CDH13: variants seen among roughly 807,000 people sequenced by gnomAD.
CDH13 encodes cadherin-13.
Under a neutral mutation model 63.8 loss-of-function variants are expected in CDH13, and 24 were observed. The ratio of observed to expected loss-of-function variants is 0.38; its 90% CI spans 0.27 to 0.53. The LOEUF (loss-of-function observed/expected upper bound fraction) is 0.53. Ranked by LOEUF, CDH13 falls within the 20% of genes least tolerant of loss-of-function variation. The pLI, the probability that CDH13 is intolerant of heterozygous loss-of-function variation, is 0.85. For missense variants in CDH13, 1,049 were observed against 903.1 expected (o/e 1.16, Z -2.07); for synonymous variants, 503 against 355.3 (o/e 1.42, Z -4.67).
chr16:82,708,300 G>T (rs938794654), intron 1 of CDH13, among the ~76,000 whole-genome samples: 1 of 152,156 alleles, frequency 6.6e-6, no homozygotes, highest in Admixed American at 6.5e-5. Flanking sequence ...AGAGAAGGAG[G>T]AGAGAATGGG....
At chr16:83,403,756 G>A (rs1232599279) in intron 6 of CDH13, among the ~76,000 whole-genome samples, 1 of 152,106 alleles carries the variant, frequency 6.6e-6, no homozygotes, top group Non-Finnish European at 1.5e-5. Flanking sequence ...TTGTGATGGA[G>A]AACATCATAA....
chr16:83,495,353 A>G (rs2074110856), intron 7 of CDH13, among the ~76,000 whole-genome samples: 1 of 152,212 alleles, frequency 6.6e-6, no homozygotes, highest in African/African-American at 2.4e-5. Context: ...GAAAGAGTTT[A>G]AAGACCTGGA....
chr16:83,690,973 C>T lies in CDH13; in HGVS notation c.1538+12512C>T, dbSNP rs574666286. ...CTGGCCTCAAGTGATCCACCTGCCT[C>T]GGCCTCCCAAAGTGCTGGGATAACA... On this transcript the variant is annotated intron_variant, in intron 10 of 13. Coordinates refer to ENST00000567109, the MANE Select transcript of CDH13 (RefSeq NM_001257.5). 1.9e-4 allele frequency among the ~76,000 whole-genome samples: 29 copies of T among 152,200 alleles called. 1 individual carries two copies. The East Asian group carries it at 4.8e-3, about 25-fold the overall frequency.
intron 2 of CDH13, among the ~76,000 whole-genome samples, chr16:82,975,853 G>C (rs564954629): frequency 2.0e-3 from 303 of 152,194 alleles, no homozygotes; most frequent in Non-Finnish European, 3.5e-3. Flanking sequence ...GAAAAATGGG[G>C]GTTTCCTTTT....
chr16:83,732,894 C>G (rs1252804966), intron 10 of CDH13, among the ~76,000 whole-genome samples: 2 of 152,188 alleles, frequency 1.3e-5, no homozygotes, highest in African/African-American at 2.4e-5. Context: ...ACTTTTCTGC[C>G]CATTCACTCA....
At position 83,138,688 on chromosome 16, in the gene CDH13, A is replaced by G. The variant is rs372059595; in HGVS notation, c.483+13187A>G. ...TTCTACGGATGACTAAGTGTTATAC[A>G]TTGGGGAATCACACGATCAGATTTG... is the stretch of plus-strand genomic sequence containing the variant. On this transcript the variant is annotated intron_variant, in intron 4 of 13. Transcript: ENST00000567109. Among the ~76,000 whole-genome samples, 8 of 152,192 alleles carry G rather than the reference A, an allele frequency of 5.3e-5. No homozygotes were observed. The East Asian group carries it at 5.8e-4, about 11-fold the overall frequency.
At chr16:83,049,491 C>T (rs1291768551) in intron 3 of CDH13, among the ~76,000 whole-genome samples, 2 of 151,946 alleles carry the variant, frequency 1.3e-5, no homozygotes, top group African/African-American at 2.4e-5. Flanking sequence ...CCCACCACCA[C>T]ACCCAGCTAA....
At chr16:82,991,361 C>G (rs1489712023) in intron 2 of CDH13, among the ~76,000 whole-genome samples, 2 of 152,154 alleles carry the variant, frequency 1.3e-5, no homozygotes, top group African/African-American at 4.8e-5. Flanking sequence ...ATGCCTTCCT[C>G]TTAACATTCA....
At chr16:83,759,925 C>G (rs1567577534) in intron 11 of CDH13, among the ~76,000 whole-genome samples, 1 of 107,348 alleles carries the variant, frequency 9.3e-6, no homozygotes, top group African/African-American at 3.8e-5. Flanking sequence ...GAGATCCTGT[C>G]TCAAAACCAA....
chr16:82,976,727 C>A (rs968344385), intron 2 of CDH13, among the ~76,000 whole-genome samples: 2 of 152,178 alleles, frequency 1.3e-5, no homozygotes, highest in Non-Finnish European at 2.9e-5. Context: ...CTTTTACTCC[C>A]AAAACCAAGC....
intron 4 of CDH13, among the ~76,000 whole-genome samples, chr16:83,160,898 C>CT (rs2037417722): frequency 6.6e-6 from 1 of 152,168 alleles, no homozygotes; most frequent in Non-Finnish European, 1.5e-5. Context: ...TGTCTAATTC[C>CT]TCCAGTACAC....
At chr16:82,693,174 C>T (rs117330671) in intron 1 of CDH13, among the ~76,000 whole-genome samples, 1 of 152,168 alleles carries the variant, frequency 6.6e-6, no homozygotes, top group African/African-American at 2.4e-5. Flanking sequence ...GATGAGACCC[C>T]AGACCTGGAT....
In CDH13 at chr16:83,120,541, A is replaced by T. The variant is rs545600844; in HGVS notation, c.367-4844A>T. 6.0e-4 allele frequency among the ~76,000 whole-genome samples: 92 copies of T among 152,314 alleles called. 1 individual carries two copies. The highest frequency in any genetic ancestry group is 2.1e-3 in the African/African-American group (86 of 41,570). ...GTTTGCTCTAGGATGAAGCCCATTC[A>T]CCAGTCCTTTACATCTGCACAAAGT... On this transcript the variant is annotated intron_variant, in intron 3 of 13. Coordinates refer to ENST00000567109, the MANE Select transcript of CDH13 (RefSeq NM_001257.5).
intron 6 of CDH13, among the ~76,000 whole-genome samples, chr16:83,414,240 G>A (rs893445859): frequency 1.3e-5 from 2 of 152,158 alleles, no homozygotes; most frequent in African/African-American, 2.4e-5. Flanking sequence ...TCTTTTTGTC[G>A]TAGCAGTTGT....
chr16:82,669,432 G>T (rs1912979978), intron 1 of CDH13, among the ~76,000 whole-genome samples: 1 of 152,174 alleles, frequency 6.6e-6, no homozygotes, highest in African/African-American at 2.4e-5. Context: ...GGTCTTTTAG[G>T]ACTTACCCAT....
Position 83,047,257 on chromosome 16 carries a change from T to A in CDH13, c.366+15039T>A, listed in dbSNP as rs764009206. 3.2e-4 allele frequency among the ~76,000 whole-genome samples: 46 copies of A among 142,394 alleles called. No homozygotes were observed. The highest frequency in any genetic ancestry group is 1.7e-3 in the Admixed American group (24 of 14,084). 93.4% of individuals were successfully genotyped at this position (142,394 alleles called of 152,430 possible). A position where few individuals can be genotyped will look rare whatever the true frequency, so the allele number is the denominator to read the frequency against. On this transcript the variant is annotated intron_variant, in intron 3 of 13. Transcript: ENST00000567109. The surrounding 1 kb of genome is among the most constrained non-coding windows in gnomAD (Gnocchi z 4.9). ...TGTGTATTTATTTATTTATTTATTT[T>A]TTTGGTAAAGGCCTCTGCTGTGAAT...
intron 5 of CDH13, among the ~76,000 whole-genome samples, chr16:83,275,682 C>T (rs1056545563): frequency 6.6e-6 from 1 of 151,884 alleles, no homozygotes; most frequent in African/African-American, 2.4e-5. Context: ...GGGGGGCCTG[C>T]TTTGTCACTT....
chr16:83,149,161 C>T (rs2036870652), intron 4 of CDH13, among the ~76,000 whole-genome samples: 1 of 152,180 alleles, frequency 6.6e-6, no homozygotes, highest in African/African-American at 2.4e-5. Flanking sequence ...TATTTCCTCT[C>T]TATATTGAAA....
intron 6 of CDH13, among the ~76,000 whole-genome samples, chr16:83,421,512 C>G (rs2071713124): frequency 6.6e-6 from 1 of 152,134 alleles, no homozygotes; most frequent in South Asian, 2.1e-4. Flanking sequence ...TGATGCAACT[C>G]TAGACACATC....
Sources: gnomAD v4.1 joint callset for allele counts (sites outside exome capture counted in the v4.1 genomes callset) on GRCh38, gnomAD v4.1.1 for gene constraint, Gnocchi (gnomAD v3.1) non-coding constraint, MANE v1.5 for transcripts, NCBI Gene and HGNC (gene_info 2026-07-23, HGNC 2026-07-21) for gene names.